Variants in SRBD1 observed in about 807,000 individuals in gnomAD.
SRBD1 encodes the protein S1 RNA binding domain 1.
A neutral mutation model predicts 115.3 loss-of-function variants in SRBD1; 88 were observed. That is an observed-to-expected ratio of 0.76 (90% CI 0.64 to 0.91). The LOEUF (loss-of-function observed/expected upper bound fraction) is 0.91, where lower values mean the gene tolerates loss of function less well. SRBD1 is among the 40% of genes least tolerant of loss of function. The pLI is 0.00. For missense variants in SRBD1, 1,385 were observed against 1,177.4 expected (o/e 1.18, Z -2.58); for synonymous variants, 509 against 407.7 (o/e 1.25, Z -2.99).
At chr2:45,464,450 A>G (rs1320062577) in intron 16 of SRBD1, among the ~76,000 whole-genome samples, 1 of 152,230 alleles carries the variant, frequency 6.6e-6, no homozygotes, top group East Asian at 1.9e-4. Flanking sequence ...TCCTCAGATC[A>G]TTGGTTAGAT....
intron 16 of SRBD1, among the ~76,000 whole-genome samples, chr2:45,441,390 C>G (rs1316688349): frequency 6.6e-6 from 1 of 152,204 alleles, no homozygotes; most frequent in Non-Finnish European, 1.5e-5. Flanking sequence ...TATTTATTAT[C>G]ACCTGATGCA....
intron 16 of SRBD1, among the ~76,000 whole-genome samples, chr2:45,433,636 G>C (rs543978699): frequency 6.6e-6 from 1 of 152,250 alleles, no homozygotes; most frequent in East Asian, 1.9e-4. Context: ...GTGTGCTTAA[G>C]AAAGCTCCTC....
At chr2:45,500,636 G>A (rs115756673) in intron 14 of SRBD1, among the ~76,000 whole-genome samples, 11,893 of 152,080 alleles carry the variant, frequency 0.078, 647 homozygotes, top group African/African-American at 0.14. Flanking sequence ...GGCTGGTCTT[G>A]AACTCATGCG....
At chr2:45,498,312 A>T (rs1235378598) in intron 14 of SRBD1, among the ~76,000 whole-genome samples, 1 of 152,152 alleles carries the variant, frequency 6.6e-6, no homozygotes, top group Non-Finnish European at 1.5e-5. Context: ...ATCAGATACA[A>T]TATTTGCAAT....
intron 18 of SRBD1, 108 bp downstream of exon 18, chr2:45,418,257 G>T (rs1667889407): frequency 7.8e-7 from 1 of 1,275,738 alleles, no homozygotes; most frequent in Non-Finnish European, 1.1e-6. Context: ...CTGAATGAAG[G>T]CATGAACAAT....
intron 14 of SRBD1, among the ~76,000 whole-genome samples, chr2:45,502,760 A>C (rs1487979011): frequency 6.6e-6 from 1 of 152,032 alleles, no homozygotes; most frequent in Non-Finnish European, 1.5e-5. Context: ...GCACACCAAC[A>C]TGGCACGTGT....
chr2:45,471,454 G>C (rs1029656528), intron 16 of SRBD1, among the ~76,000 whole-genome samples: 3 of 152,008 alleles, frequency 2.0e-5, no homozygotes, highest in African/African-American at 4.8e-5. Context: ...TGCTATTGTA[G>C]TTGCTTCTAA....
chr2:45,565,613 C>G (rs984422391), intron 9 of SRBD1, among the ~76,000 whole-genome samples: 1 of 152,060 alleles, frequency 6.6e-6, no homozygotes, highest in Non-Finnish European at 1.5e-5. Flanking sequence ...TAACAAAAAA[C>G]TAGATTGAAC....
chr2:45,426,651 A>G (rs552595437), intron 16 of SRBD1, among the ~76,000 whole-genome samples: 2 of 152,300 alleles, frequency 1.3e-5, no homozygotes, highest in South Asian at 2.1e-4. Flanking sequence ...TTCCAGAGGA[A>G]GGAAAAGGCA....
At chr2:45,403,037 C>A (rs1667333332) in intron 19 of SRBD1, among the ~76,000 whole-genome samples, 3 of 152,186 alleles carry the variant, frequency 2.0e-5, no homozygotes, top group African/African-American at 7.2e-5. Flanking sequence ...CACTCACACA[C>A]ACAGACATGA....
intron 16 of SRBD1, among the ~76,000 whole-genome samples, chr2:45,464,796 G>A (rs1395438997): frequency 6.6e-6 from 1 of 152,090 alleles, no homozygotes; most frequent in East Asian, 1.9e-4. Context: ...GGTAACTGAA[G>A]TCTGAACATT....
At chr2:45,454,407 A>C (rs1486410896) in intron 16 of SRBD1, among the ~76,000 whole-genome samples, 6 of 151,862 alleles carry the variant, frequency 4.0e-5, no homozygotes, top group Admixed American at 3.9e-4. Flanking sequence ...ATTTAAATTT[A>C]GTGTTTTGAA....
At chr2:45,584,738 A>T (rs893061951) in intron 5 of SRBD1, among the ~76,000 whole-genome samples, 1 of 152,194 alleles carries the variant, frequency 6.6e-6, no homozygotes, top group Non-Finnish European at 1.5e-5. Flanking sequence ...CTTTGTACAC[A>T]TATTTCTCAG....
chr2:45,448,317 T>C (rs947032601), intron 16 of SRBD1, among the ~76,000 whole-genome samples: 1 of 152,128 alleles, frequency 6.6e-6, no homozygotes, highest in Non-Finnish European at 1.5e-5. Context: ...CTAGATAGAA[T>C]AATATATTTT....
chr2:45,580,942 CAA>C (rs1479919615), intron 6 of SRBD1, among the ~76,000 whole-genome samples: 2 of 151,816 alleles, frequency 1.3e-5, no homozygotes, highest in East Asian at 3.9e-4. Context: ...CTCGGCCTCC[CAA>C]AGTGCTGGGA....
At chr2:45,419,745 T>G (rs762196918) in intron 17 of SRBD1, 43 bp downstream of exon 17, 52 of 1,579,742 alleles carry the variant, frequency 3.3e-5, no homozygotes, top group Non-Finnish European at 4.3e-5. Flanking sequence ...GACAGCCAGT[T>G]AAACTCAAGA....
At chr2:45,606,145 T>A (rs1047443884) in intron 1 of SRBD1, among the ~76,000 whole-genome samples, 1 of 141,360 alleles carries the variant, frequency 7.1e-6, no homozygotes, top group Non-Finnish European at 1.5e-5. Context: ...ACAGAAACAT[T>A]TTTTTCCTAT....
At chr2:45,516,519 C>A (rs182073249) in intron 14 of SRBD1, among the ~76,000 whole-genome samples, 1 of 152,288 alleles carries the variant, frequency 6.6e-6, no homozygotes, top group African/African-American at 2.4e-5. Context: ...CACACACACA[C>A]AACAGATATA....
chr2:45,441,319 C>T (rs1198429010), intron 16 of SRBD1, among the ~76,000 whole-genome samples: 3 of 152,170 alleles, frequency 2.0e-5, no homozygotes, highest in Non-Finnish European at 4.4e-5. Context: ...GCAGTGAAGA[C>T]CAGGCTGCAA....
Sources: gnomAD v4.1 joint callset for allele counts (sites outside exome capture counted in the v4.1 genomes callset) on GRCh38, gnomAD v4.1.1 for gene constraint, MANE v1.5 for transcripts, NCBI Gene and HGNC (gene_info 2026-07-23, HGNC 2026-07-21) for gene names.